NTRK2: variants seen among roughly 807,000 people sequenced by gnomAD.
The protein encoded by NTRK2 is neurotrophic receptor tyrosine kinase 2.
Under a neutral mutation model 94.5 loss-of-function variants are expected in NTRK2, and 13 were observed. The observed-to-expected ratio is 0.14, with a 90% CI of 0.09 to 0.22. NTRK2 has a LOEUF of 0.22. NTRK2 is among the 10% of genes least tolerant of loss of function. The pLI, the probability that NTRK2 is intolerant of heterozygous loss-of-function variation, is 1.00. For missense variants in NTRK2, 639 were observed against 1,071.2 expected, an observed-to-expected ratio of 0.60 and a Z score of 5.63; for synonymous variants, 372 against 407.4, an observed-to-expected ratio of 0.91 and a Z score of 1.05.
chr9:84,850,217 A>T (rs73474469), intron 12 of NTRK2, among the ~76,000 whole-genome samples: 3,875 of 152,182 alleles, frequency 0.025, 177 homozygotes, highest in African/African-American at 0.088. Context: ...GGGAAAAAAA[A>T]AACAAAAAAA....
intron 14 of NTRK2, among the ~76,000 whole-genome samples, chr9:84,901,083 T>C (rs74899846): frequency 0.053 from 8,045 of 152,238 alleles, 315 homozygotes; most frequent in Non-Finnish European, 0.077. Flanking sequence ...ACATATTCAA[T>C]TAATGTTTTT....
intron 6 of NTRK2, among the ~76,000 whole-genome samples, chr9:84,714,726 A>T (rs1228682608): frequency 2.6e-5 from 4 of 152,174 alleles, no homozygotes; most frequent in African/African-American, 9.7e-5. Context: ...AAAAAAATGA[A>T]TTTATGGTCA....
rs541421119 is a variant in NTRK2 at position 84,721,129 on chromosome 9, G to C, written c.584-2444G>C. Among the ~76,000 whole-genome samples, 34 of 151,978 alleles carry C rather than the reference G, an allele frequency of 2.2e-4. 1 individual carries two copies. The South Asian group carries it at 6.9e-3, about 31-fold the overall frequency. On this transcript the variant is annotated intron_variant, in intron 6 of 18. Transcript: ENST00000277120. ...GAAATAAAGTAAGTATTGCATATTA[G>C]ATGGTTCTGGTGTTAGTAAGGCTTG...
At chr9:84,731,189 C>T (rs116127291) in intron 9 of NTRK2, among the ~76,000 whole-genome samples, 2,079 of 152,264 alleles carry the variant, frequency 0.014, 39 homozygotes, top group African/African-American at 0.047. Context: ...AATCCCAGAA[C>T]TTTGGGAAGC....
At chr9:84,924,161 G>A (rs1176368822) in intron 14 of NTRK2, among the ~76,000 whole-genome samples, 1 of 151,460 alleles carries the variant, frequency 6.6e-6, no homozygotes, top group African/African-American at 2.4e-5. Flanking sequence ...GCAGTGAGCT[G>A]TGATCATGCC....
chr9:84,811,914 A>G, intron 12 of NTRK2: 1 of 427,782 alleles, frequency 2.3e-6, no homozygotes, highest in Non-Finnish European at 2.8e-6. Context: ...TCCCCACCCC[A>G]CCCCACCCCA....
intron 6 of NTRK2, among the ~76,000 whole-genome samples, chr9:84,716,745 TC>T (rs1419737543): frequency 3.3e-5 from 5 of 152,234 alleles, no homozygotes; most frequent in Non-Finnish European, 7.4e-5. Flanking sequence ...TCTTAGAATG[TC>T]AAATGAAGTT....
chr9:84,793,777 A>T (rs1471345053), intron 12 of NTRK2, among the ~76,000 whole-genome samples: 2 of 152,198 alleles, frequency 1.3e-5, no homozygotes, highest in East Asian at 3.8e-4. Flanking sequence ...TGACTATAAG[A>T]CAGGGGTCAG....
intron 17 of NTRK2, among the ~76,000 whole-genome samples, chr9:84,986,164 G>A (rs963349827): frequency 5.3e-5 from 8 of 151,994 alleles, no homozygotes; most frequent in Admixed American, 2.6e-4. Context: ...CCCCCAAACC[G>A]TGTGATGTTG....
Position 84,956,368 on chromosome 9 carries a change from C to A in NTRK2, c.2172+851C>A, listed in dbSNP as rs147218047. ...GATCCACTGATGACCTAGAACTGGC[C>A]CCCGGGATATGTTAACTTTGTTAAC... is the stretch of plus-strand genomic sequence containing the variant. On this transcript the variant is annotated intron_variant, in intron 17 of 18. Coordinates refer to ENST00000277120, the MANE Select transcript of NTRK2 (RefSeq NM_006180.6). Among the ~76,000 whole-genome samples the A allele has an allele frequency of 2.9e-3, 443 of 152,082 alleles. 4 individuals are homozygous for A. Among genetic ancestry groups the A allele is most frequent in the Admixed American group, 8.5e-3 (130 of 15,282 alleles).
chr9:84,787,754 A>G (rs1313536502), intron 12 of NTRK2, among the ~76,000 whole-genome samples: 1 of 152,234 alleles, frequency 6.6e-6, no homozygotes, highest in Non-Finnish European at 1.5e-5. Flanking sequence ...AATAGCTCCT[A>G]CTGTATAGAG....
intron 6 of NTRK2, among the ~76,000 whole-genome samples, chr9:84,720,518 T>C (rs567801816): frequency 1.1e-4 from 17 of 152,310 alleles, no homozygotes; most frequent in Admixed American, 1.1e-3. Flanking sequence ...ACCTAGTAAA[T>C]TGGCCAATAA....
intron 12 of NTRK2, 44 bp from the exon 13 acceptor site, chr9:84,860,996 A>G (rs199880373): frequency 6.4e-7 from 1 of 1,572,942 alleles, no homozygotes; most frequent in Non-Finnish European, 8.7e-7. Context: ...TCCGGTTTCT[A>G]CTTCTCTTTC....
At chr9:84,885,302 T>C (rs528750852) in intron 14 of NTRK2, among the ~76,000 whole-genome samples, 5 of 152,162 alleles carry the variant, frequency 3.3e-5, no homozygotes, top group Admixed American at 3.3e-4. Context: ...GACCAACCAC[T>C]AAAAGAATCA....
chr9:84,877,179 A>C (rs1169779055), intron 14 of NTRK2: 2 of 1,064,958 alleles, frequency 1.9e-6, no homozygotes, highest in African/African-American at 1.6e-5. Context: ...AGTAAAGTGG[A>C]TCTTAGCCAG....
intron 12 of NTRK2, among the ~76,000 whole-genome samples, chr9:84,755,682 CTT>C (rs1209091415): frequency 6.6e-6 from 1 of 151,894 alleles, no homozygotes; most frequent in Admixed American, 6.6e-5. Context: ...TTCACTTTGA[CTT>C]TTTATTTTGC....
chr9:84,862,722 G>A (rs1478074422), intron 13 of NTRK2, among the ~76,000 whole-genome samples: 1 of 152,202 alleles, frequency 6.6e-6, no homozygotes, highest in Non-Finnish European at 1.5e-5. Context: ...GAGCCACGTG[G>A]GGAAGTGCTG....
intron 17 of NTRK2, among the ~76,000 whole-genome samples, chr9:84,966,236 C>G (rs996926972): frequency 5.9e-5 from 9 of 152,170 alleles, no homozygotes; most frequent in African/African-American, 2.2e-4. Context: ...TATAGAACTT[C>G]CTACTGCATG....
chr9:84,747,728 G>T (rs565551632), intron 11 of NTRK2, among the ~76,000 whole-genome samples: 1 of 152,138 alleles, frequency 6.6e-6, no homozygotes, highest in South Asian at 2.1e-4. Context: ...TGATCTGCCC[G>T]CCTCGGCCTC....
Sources: allele counts gnomAD v4.1 joint callset (sites outside exome capture counted in the v4.1 genomes callset), GRCh38; gene constraint gnomAD v4.1.1; transcripts MANE v1.5; gene names NCBI Gene and HGNC (gene_info 2026-07-23, HGNC 2026-07-21).